The following SP140 variants were observed in gnomAD, a reference collection of about 807,000 sequenced individuals.
SP140 encodes nuclear body protein SP140.
A neutral mutation model predicts 125.0 loss-of-function variants in SP140; 81 were observed. That is an observed-to-expected ratio of 0.65 (90% confidence interval 0.54 to 0.78). SP140 has a LOEUF of 0.78. Among genes scored for constraint, SP140 ranks in the 30% least tolerant of loss-of-function variants. The pLI, the probability that SP140 is intolerant of heterozygous loss-of-function variation, is 0.00. For synonymous variants in SP140, 312 were observed against 354.0 expected, an observed-to-expected ratio of 0.88 and a Z score of 1.33; for missense variants, 858 against 1,037.0, an observed-to-expected ratio of 0.83 and a Z score of 2.37.
intron 1 of SP140, chr2:230,212,635 G>T: frequency 1.5e-6 from 2 of 1,327,068 alleles, no homozygotes; most frequent in Non-Finnish European, 2.2e-6. Flanking sequence ...AAAGGGTTGT[G>T]TTTGGGTAGA....
At chr2:230,307,976 TATATATATATATATACACACAC>T (rs1215654644) in intron 22 of SP140, among the ~76,000 whole-genome samples, 1 of 91,098 alleles carries the variant, frequency 1.1e-5, no homozygotes, top group African/African-American at 3.9e-5. Flanking sequence ...TATATATATA[TATATATATATATATACACACAC>T]ACACACACAC....
chr2:230,221,775 T>C, upstream of SP140: 13 of 1,503,968 alleles, frequency 8.6e-6, no homozygotes, highest in Non-Finnish European at 1.2e-5. Context: ...AAGAACTTCT[T>C]CCTTTAGATC....
chr2:230,223,039 CT>C (rs34477714), upstream of SP140, among the ~76,000 whole-genome samples: 6,301 of 136,650 alleles, frequency 0.046, 146 homozygotes, highest in Middle Eastern at 0.085. Context: ...ATCAGTCTGA[CT>C]TTTTTTTTTT....
exon 3 of SP140, chr2:230,214,010 C>A (rs972910284): frequency 1.1e-4 from 17 of 152,244 alleles, no homozygotes; most frequent in African/African-American, 4.1e-4. Flanking sequence ...GAACTGTCAA[C>A]AATGGTGATT....
chr2:230,284,283 A>AT (rs1182792082), intron 15 of SP140, 63 bp from the exon 16 acceptor site: 2 of 1,470,582 alleles, frequency 1.4e-6, no homozygotes, highest in African/African-American at 2.9e-5. Flanking sequence ...CTATTGGCAT[A>AT]TAAAACTCAG....
At chr2:230,284,458 C>A in intron 16 of SP140, 47 bp downstream of exon 16, 2 of 1,515,880 alleles carry the variant, frequency 1.3e-6, no homozygotes, top group Non-Finnish European at 1.8e-6. Flanking sequence ...TTTATTAGGG[C>A]ACTGTCCATT....
In SP140 at chr2:230,312,231, A is replaced by G. The variant is rs180950042; in HGVS notation, c.2506-355A>G. ...AACGGAAGTTACTCTTAGCTGCATGAGTTTTCAAGTTTAACCTGGTTAATG... is the reference window on the plus strand; with the variant it reads ...AACGGAAGTTACTCTTAGCTGCATGGGTTTTCAAGTTTAACCTGGTTAATG... On this transcript the variant is annotated intron_variant, in intron 26 of 26. Coordinates refer to ENST00000392045, the MANE Select transcript of SP140 (RefSeq NM_007237.5). Among the ~76,000 whole-genome samples, 388 of 152,362 alleles carry G rather than the reference A, an allele frequency of 2.5e-3. 2 individuals carry two copies. The highest frequency in any genetic ancestry group is 4.0e-3 in the Non-Finnish European group (272 of 68,042).
chr2:230,297,446 G>T lies in SP140; in HGVS notation c.2042G>T (p.Ser681Ile), dbSNP rs1211042408. ...KKRILKSQNN[S>I]SVDPCMRNLD... ...AGAATACTGAAGTCTCAAAACAATA[G>T]CTCAGTTGACCCTTGTGTAAGTACA... is the stretch of plus-strand genomic sequence containing the variant. The change falls in exon 22 of 27, where the codon AGC becomes ATC. Residue 681 changes from serine to isoleucine, a missense_variant. Physicochemically the swap from Ser to Ile is moderately radical, Grantham distance 142 (BLOSUM62 -2). This residue lies in a region of SP140 where 791 missense variants were observed against 869.5 expected (regional missense o/e 0.91). Coordinates refer to ENST00000392045, the MANE Select transcript of SP140 (RefSeq NM_007237.5). 6.2e-7 allele frequency: 1 copy of T among 1,613,878 alleles called. No homozygotes were observed. Among genetic ancestry groups the T allele is most frequent in the Non-Finnish European group, 8.5e-7 (1 of 1,179,786 alleles).
At chr2:230,253,908 CG>C (rs929446233) in intron 11 of SP140, among the ~76,000 whole-genome samples, 2 of 152,210 alleles carry the variant, frequency 1.3e-5, no homozygotes, top group African/African-American at 4.8e-5. Context: ...ACAGCCCCTG[CG>C]TAAACGGAAG....
intron 1 of SP140, among the ~76,000 whole-genome samples, chr2:230,205,496 T>TTTATGTGC: frequency 6.6e-6 from 1 of 152,192 alleles, no homozygotes; most frequent in African/African-American, 2.4e-5. Context: ...AATTATCTTG[T>TTTATGTGC]TTATGTGCTT....
intron 1 of SP140, among the ~76,000 whole-genome samples, chr2:230,205,830 T>C (rs1051479714): frequency 6.6e-6 from 1 of 152,172 alleles, no homozygotes; most frequent in African/African-American, 2.4e-5. Context: ...GTTGAAGACG[T>C]AGAGTTGGGA....
intron 12 of SP140, among the ~76,000 whole-genome samples, chr2:230,264,597 G>GTAGC (rs2052763869): frequency 6.6e-6 from 1 of 152,164 alleles, no homozygotes; most frequent in African/African-American, 2.4e-5. Context: ...TCTCATTTGG[G>GTAGC]TAGGCTCTGT....
At chr2:230,214,404 T>C (rs893608402) in intron 3 of SP140, among the ~76,000 whole-genome samples, 20 of 152,334 alleles carry the variant, frequency 1.3e-4, no homozygotes, top group African/African-American at 4.8e-4. Context: ...CAAGTAGGAC[T>C]CTTGCTCTGC....
chr2:230,235,940 G>A (rs1057153630), intron 1 of SP140, among the ~76,000 whole-genome samples: 2 of 132,220 alleles, frequency 1.5e-5, no homozygotes, highest in Non-Finnish European at 1.5e-5. Context: ...GCAGTGGCAC[G>A]ATCTCAGCTC....
chr2:230,210,128 C>T (rs1023083228), intron 1 of SP140: 30 of 767,768 alleles, frequency 3.9e-5, no homozygotes, highest in Non-Finnish European at 5.9e-5. Context: ...CGGGAATCTG[C>T]TTGCCCTAAG....
At chr2:230,209,233 G>A (rs1018600701) in intron 1 of SP140, among the ~76,000 whole-genome samples, 1 of 152,198 alleles carries the variant, frequency 6.6e-6, no homozygotes, top group African/African-American at 2.4e-5. Context: ...GCTTGCCTTT[G>A]GGTATGGGAG....
chr2:230,239,344 T>A (rs6436924), intron 3 of SP140, among the ~76,000 whole-genome samples: 14,516 of 152,280 alleles, frequency 0.095, 967 homozygotes, highest in South Asian at 0.21. Flanking sequence ...ACCAGTATAC[T>A]TTAAATCATC....
rs1574989444 is a variant in SP140, at chr2:230,247,477, A to G, written c.743-439A>G. On this transcript the variant is annotated intron_variant, in intron 7 of 26. Coordinates refer to ENST00000392045, the MANE Select transcript of SP140 (RefSeq NM_007237.5). ...ATATCTCACCTGTCCATTTCCTTCC[A>G]CCCCAACACAAAAACTCTGGTAAGA... Among the ~76,000 whole-genome samples, 3 of 151,918 alleles carry G rather than the reference A, an allele frequency of 2.0e-5. No homozygotes were observed. In the South Asian group the frequency reaches 6.2e-4, roughly 32 times the overall value.
At chr2:230,293,628 G>A (rs894084092) in intron 20 of SP140, among the ~76,000 whole-genome samples, 17 of 151,298 alleles carry the variant, frequency 1.1e-4, no homozygotes, top group Admixed American at 4.6e-4. Flanking sequence ...CAGCCACCCC[G>A]CCCCGCCATA....
Sources: gnomAD v4.1 joint callset for allele counts (sites outside exome capture counted in the v4.1 genomes callset) on GRCh38, gnomAD v4.1.1 for gene constraint, gnomAD v4.1.1 regional missense constraint, MANE v1.5 for transcripts, NCBI Gene and HGNC (gene_info 2026-07-23, HGNC 2026-07-21) for gene names.